The following ITPK1 variants were observed in gnomAD, a reference collection of about 807,000 sequenced individuals.
The protein encoded by ITPK1 is inositol 1,3,4-trisphosphate 5/6-kinase.
Under a neutral mutation model 45.3 loss-of-function variants are expected in ITPK1, and 21 were observed. That is an observed-to-expected ratio of 0.46 (90% CI 0.33 to 0.67). ITPK1 has a LOEUF of 0.67. ITPK1 is among the 30% of genes least tolerant of loss of function. The pLI, the probability that ITPK1 is intolerant of heterozygous loss-of-function variation, is 0.02. For missense variants in ITPK1, 474 were observed against 573.5 expected (o/e 0.83, Z 1.77); for synonymous variants, 258 against 253.6 (o/e 1.02, Z -0.16).
intron 3 of ITPK1, among the ~76,000 whole-genome samples, chr14:93,020,246 T>C (rs758364890): frequency 1.2e-4 from 18 of 152,196 alleles, no homozygotes; most frequent in Non-Finnish European, 2.5e-4. Context: ...ACTTCCAAAA[T>C]GATTAACCCA....
chr14:92,984,123 G>T (rs7154944), intron 5 of ITPK1, among the ~76,000 whole-genome samples: 31,671 of 152,128 alleles, frequency 0.21, 3,617 homozygotes, highest in East Asian at 0.32. Context: ...AATAGGAAGG[G>T]TCTAGAAAGA....
rs1465233566 is a variant in ITPK1 at position 92,958,146 on chromosome 14, T to A, written c.670+55A>T. 1.3e-6 allele frequency: 2 copies of A among 1,570,734 alleles called. No individual in the cohort carries two copies. The highest frequency in any genetic ancestry group is 1.4e-5 in the African/African-American group (1 of 73,872). ...CGAAGGACAGACAGCTGCTGCCACA[T>A]CCCAGCTGGGCCCCTGAGTCTTGCT... On this transcript the variant is annotated intron_variant, in intron 8 of 10. Coordinates refer to ENST00000267615, the MANE Select transcript of ITPK1 (RefSeq NM_014216.6). This position sits in a 1 kb window ranked among gnomAD's most constrained non-coding sequence, Gnocchi z 4.4.
chr14:93,043,843 C>T lies in ITPK1; in HGVS notation c.121-27042G>A, dbSNP rs184582077. Among the ~76,000 whole-genome samples, 923 of 152,320 alleles carry T rather than the reference C, an allele frequency of 6.1e-3. 12 individuals are homozygous for T. Among genetic ancestry groups the T allele is most frequent in the South Asian group, 0.048 (230 of 4,828 alleles). ...CACAGCCCCACCCTTCCTCTCCTGC[C>T]GCCCACCTGAAGGCCCCAATACACA... On this transcript the variant is annotated intron_variant, in intron 3 of 10. Coordinates refer to ENST00000267615, the MANE Select transcript of ITPK1 (RefSeq NM_014216.6).
Position 92,941,271 on chromosome 14 carries a change from C to T in ITPK1, c.*290G>A, listed in dbSNP as rs538464098. The stretch of plus-strand genomic sequence containing the variant: ...CAGCCATACGCACACCCCTCACCTC[C>T]CATCCAGACCTAGTGTTGCAAACAC... On this transcript the variant is annotated 3_prime_UTR_variant, in exon 11 of 11. Coordinates refer to ENST00000267615, the MANE Select transcript of ITPK1 (RefSeq NM_014216.6). The T allele has an allele frequency of 1.3e-3, 1,747 of 1,379,026 alleles. 2 individuals carry two copies. Among genetic ancestry groups the T allele is most frequent in the Non-Finnish European group, 1.4e-3 (1,527 of 1,069,792 alleles). The allele number at this position is 1,379,026 out of a possible 1,614,324, so 85.4% of individuals were successfully genotyped here.
intron 3 of ITPK1, among the ~76,000 whole-genome samples, chr14:93,019,015 C>T (rs1888334808): frequency 6.6e-6 from 1 of 152,196 alleles, no homozygotes; most frequent in South Asian, 2.1e-4. Context: ...CCACCCAATA[C>T]CTCTTCCCAG....
At chr14:92,969,158 C>G (rs1023705184) in intron 5 of ITPK1, among the ~76,000 whole-genome samples, 3 of 152,092 alleles carry the variant, frequency 2.0e-5, no homozygotes, top group African/African-American at 7.2e-5. Flanking sequence ...ACATGTTGAG[C>G]CTCTACTAGA....
intron 5 of ITPK1, among the ~76,000 whole-genome samples, chr14:92,988,414 G>A (rs1315120148): frequency 2.0e-5 from 3 of 152,194 alleles, no homozygotes; most frequent in East Asian, 1.9e-4. Flanking sequence ...CCAGCCCCCC[G>A]AGGGGCTAAG....
At chr14:93,047,119 G>T (rs1462989043) in intron 3 of ITPK1, among the ~76,000 whole-genome samples, 1 of 152,236 alleles carries the variant, frequency 6.6e-6, no homozygotes, top group African/African-American at 2.4e-5. Context: ...GCCAAGCCGG[G>T]CTGCTGGTGA....
chr14:92,991,687 G>A (rs1157775200), intron 5 of ITPK1, among the ~76,000 whole-genome samples: 1 of 151,996 alleles, frequency 6.6e-6, no homozygotes, highest in Non-Finnish European at 1.5e-5. Context: ...CTCACCATGT[G>A]ACTTCCTACG....
chr14:92,996,210 G>A (rs1887048340), intron 4 of ITPK1, among the ~76,000 whole-genome samples: 1 of 152,164 alleles, frequency 6.6e-6, no homozygotes, highest in African/African-American at 2.4e-5. Flanking sequence ...TGGTGCCACT[G>A]CACTCCAGCC....
chr14:93,003,957 C>T (rs144324308), intron 4 of ITPK1, among the ~76,000 whole-genome samples: 26 of 152,346 alleles, frequency 1.7e-4, no homozygotes, highest in Admixed American at 5.2e-4. Context: ...TTTATAACAT[C>T]CTTTCTGCCT....
intron 2 of ITPK1, among the ~76,000 whole-genome samples, chr14:93,084,717 G>A (rs1259898583): frequency 1.3e-5 from 2 of 152,188 alleles, no homozygotes; most frequent in Non-Finnish European, 1.5e-5. Context: ...CAGCTCAGAA[G>A]ACACGAGGGG....
intron 4 of ITPK1, among the ~76,000 whole-genome samples, chr14:93,004,704 C>T (rs775424044): frequency 2.6e-5 from 4 of 152,022 alleles, no homozygotes; most frequent in Non-Finnish European, 5.9e-5. Context: ...CCCAGAGGCT[C>T]CTAAGTGGCG....
At chr14:93,005,529 G>A (rs1887567618) in intron 4 of ITPK1, among the ~76,000 whole-genome samples, 2 of 152,142 alleles carry the variant, frequency 1.3e-5, no homozygotes, top group Admixed American at 6.5e-5. Context: ...GGCAAGAGGA[G>A]GAGACTGCCA....
intron 3 of ITPK1, among the ~76,000 whole-genome samples, chr14:93,045,231 G>C (rs1162992716): frequency 6.6e-6 from 1 of 152,226 alleles, no homozygotes; most frequent in Non-Finnish European, 1.5e-5. Flanking sequence ...CAAGACCTCA[G>C]GCCCCTGTCC....
Position 93,115,292 on chromosome 14 carries a change from T to C in ITPK1, c.-129A>G. On this transcript the variant is annotated 5_prime_UTR_variant, in exon 2 of 11. Transcript: ENST00000267615. ...GGGGACGCGGAACGGGGATCGGAGC[T>C]GGGGCGCGCAGTCCTGCCGCGCGGA... 1.9e-6 allele frequency: 1 copy of C among 532,174 alleles called. No homozygotes were observed. The highest frequency in any genetic ancestry group is 2.3e-5 in the South Asian group (1 of 42,884). The allele number at this position is 532,174 out of a possible 1,614,324, so 33.0% of individuals were successfully genotyped here. A position where few individuals can be genotyped will look rare whatever the true frequency, so the allele number is the denominator to read the frequency against.
intron 3 of ITPK1, among the ~76,000 whole-genome samples, chr14:93,041,325 G>A (rs931388516): frequency 6.6e-6 from 1 of 152,182 alleles, no homozygotes; most frequent in Non-Finnish European, 1.5e-5. Context: ...TCCTCCCTGC[G>A]GCCAGAAGTG....
chr14:93,108,940 G>A (rs568001563), intron 2 of ITPK1, among the ~76,000 whole-genome samples: 77 of 152,324 alleles, frequency 5.1e-4, no homozygotes, highest in East Asian at 1.9e-4. Context: ...TTGAACCCAG[G>A]AGGCGGAGGT....
intron 3 of ITPK1, among the ~76,000 whole-genome samples, chr14:93,017,372 C>T (rs1254318007): frequency 6.6e-6 from 1 of 152,238 alleles, no homozygotes; most frequent in Non-Finnish European, 1.5e-5. Context: ...GAAATCTGGG[C>T]TCATCGGGAG....
Sources: gnomAD v4.1 joint callset for allele counts (sites outside exome capture counted in the v4.1 genomes callset) on GRCh38, gnomAD v4.1.1 for gene constraint, Gnocchi (gnomAD v3.1) non-coding constraint, MANE v1.5 for transcripts, NCBI Gene and HGNC (gene_info 2026-07-23, HGNC 2026-07-21) for gene names.